TCERG1: variants seen among roughly 807,000 people sequenced by gnomAD.
The protein encoded by TCERG1 is transcription elongation regulator 1.
A neutral mutation model predicts 144.7 loss-of-function variants in TCERG1; 37 were observed. That is an observed-to-expected ratio of 0.26 (90% CI 0.20 to 0.34). The LOEUF (loss-of-function observed/expected upper bound fraction) is 0.34, where lower values mean the gene tolerates loss of function less well. Among genes scored for constraint, TCERG1 ranks in the 10% least tolerant of loss-of-function variants. TCERG1 has a pLI of 1.00. For synonymous variants in TCERG1, 492 were observed against 458.2 expected, an observed-to-expected ratio of 1.07 and a Z score of -0.94; for missense variants, 1,027 against 1,380.7, an observed-to-expected ratio of 0.74 and a Z score of 4.06.
At chr5:146,455,892 A>G (rs1281355090) in intron 2 of TCERG1, among the ~76,000 whole-genome samples, 1 of 152,242 alleles carries the variant, frequency 6.6e-6, no homozygotes, top group African/African-American at 2.4e-5. Flanking sequence ...CAGTGTATCC[A>G]GACTTACTGT....
intron 15 of TCERG1, among the ~76,000 whole-genome samples, chr5:146,487,768 A>G (rs1386830698): frequency 1.3e-5 from 2 of 152,036 alleles, no homozygotes; most frequent in Non-Finnish European, 2.9e-5. Flanking sequence ...TTTTTGTGAA[A>G]CCAAAAAAGA....
In TCERG1 at chr5:146,449,939, T is replaced by C. The variant is rs1581352227; in HGVS notation, c.59+2531T>C. On this transcript the variant is annotated intron_variant, in intron 1 of 22. Coordinates refer to ENST00000679501, the MANE Select transcript of TCERG1 (RefSeq NM_001382548.1). ...TGGTGTTATCACTGACTAGCTGCCT[T>C]AAGAAAATATTTTTCTGTGCTATCA... 2.2e-5 allele frequency among the ~76,000 whole-genome samples: 3 copies of C among 137,830 alleles called. No homozygotes were observed. In the South Asian group the frequency reaches 7.1e-4, roughly 33 times the overall value. 90.4% of individuals were successfully genotyped at this position (137,830 alleles called of 152,430 possible).
At chr5:146,470,196 C>G (rs905875363) in intron 7 of TCERG1, among the ~76,000 whole-genome samples, 2 of 152,064 alleles carry the variant, frequency 1.3e-5, no homozygotes, top group African/African-American at 4.8e-5. Context: ...TGAGACAGAG[C>G]CTCACTGTGT....
intron 19 of TCERG1, 82 bp downstream of exon 19, chr5:146,504,088 GTTC>G: frequency 8.0e-7 from 1 of 1,245,946 alleles, no homozygotes; most frequent in Non-Finnish European, 1.0e-6. Context: ...ATATTTTAAT[GTTC>G]TTTAATTCTG....
chr5:146,500,982 T>C (rs995114805), intron 17 of TCERG1, among the ~76,000 whole-genome samples: 1 of 145,186 alleles, frequency 6.9e-6, no homozygotes, highest in African/African-American at 2.6e-5. Context: ...CACTCCAGCC[T>C]GGACAACAGA....
intron 19 of TCERG1, among the ~76,000 whole-genome samples, chr5:146,505,114 ACATCT>A (rs897370404): frequency 6.6e-6 from 1 of 151,664 alleles, no homozygotes; most frequent in African/African-American, 2.4e-5. Flanking sequence ...AAGGACAAAA[ACATCT>A]CATAATGTTT....
At chr5:146,472,783 G>C (rs1329520043) in intron 9 of TCERG1, among the ~76,000 whole-genome samples, 1 of 151,616 alleles carries the variant, frequency 6.6e-6, no homozygotes, top group Admixed American at 6.6e-5. Context: ...GTGCGATCTT[G>C]GTTCACTGCA....
intron 13 of TCERG1, chr5:146,481,447 G>A (rs1765358364): frequency 6.6e-6 from 1 of 152,274 alleles, no homozygotes; most frequent in South Asian, 2.1e-4. Flanking sequence ...CATATCTTAG[G>A]TCACAGACTA....
intron 16 of TCERG1, among the ~76,000 whole-genome samples, chr5:146,497,865 C>T (rs1767075508): frequency 6.6e-6 from 1 of 152,114 alleles, no homozygotes; most frequent in African/African-American, 2.4e-5. Context: ...CCTGTAGTAG[C>T]TTGATATATA....
rs1767661503 is a variant in TCERG1 at position 146,503,421 on chromosome 5, G to T, written c.2480G>T (p.Ser827Ile). ...CTATTATCTAATCATCACTTGGACA[G>T]TCAGTCTCGATGGAGCAAAGTAAAA... ...FELLSNHHLD[S>I]QSRWSKVKDK... Residue 827 changes from serine (S) to isoleucine (I), a missense_variant, in exon 18 of 23, where the codon AGT becomes ATT. By Grantham distance (142) the Ser-to-Ile change is moderately radical. This residue lies in a region of TCERG1 where 482 missense variants were observed against 632.6 expected (regional missense o/e 0.76). Coordinates refer to ENST00000679501, the MANE Select transcript of TCERG1 (RefSeq NM_001382548.1). 1.2e-6 allele frequency: 2 copies of T among 1,613,566 alleles called. No individual in the cohort carries two copies. The highest frequency in any genetic ancestry group is 8.5e-7 in the Non-Finnish European group (1 of 1,179,840).
intron 19 of TCERG1, 128 bp from the exon 20 acceptor site, chr5:146,506,900 C>A: frequency 1.5e-6 from 1 of 659,132 alleles, no homozygotes; most frequent in Non-Finnish European, 2.4e-6. Flanking sequence ...ATCCATGTAT[C>A]TGTTGATAGA....
chr5:146,473,126 T>C (rs1764503859), intron 9 of TCERG1, among the ~76,000 whole-genome samples: 1 of 152,182 alleles, frequency 6.6e-6, no homozygotes, highest in African/African-American at 2.4e-5. Flanking sequence ...AGCCAAGTTG[T>C]GAATGCAAAA....
intron 7 of TCERG1, 105 bp from the exon 8 acceptor site, chr5:146,470,531 A>G: frequency 1.1e-6 from 1 of 888,150 alleles, no homozygotes; most frequent in Admixed American, 3.0e-5. Context: ...TTTTATCTTC[A>G]TGGTTAATAC....
At chr5:146,469,278 A>C (rs1190580000) in intron 6 of TCERG1, among the ~76,000 whole-genome samples, 1 of 152,176 alleles carries the variant, frequency 6.6e-6, no homozygotes, top group African/African-American at 2.4e-5. Context: ...TTATGTTAAG[A>C]CTTTGTCATA....
At chr5:146,453,758 C>T (rs141291781) in intron 1 of TCERG1, among the ~76,000 whole-genome samples, 2,742 of 148,004 alleles carry the variant, frequency 0.019, 85 homozygotes, top group African/African-American at 0.064. Flanking sequence ...GCCAACATGG[C>T]AAAACCCTGT....
chr5:146,498,972 A>C (rs1057273597), intron 17 of TCERG1, among the ~76,000 whole-genome samples: 16 of 152,236 alleles, frequency 1.1e-4, no homozygotes, highest in African/African-American at 3.9e-4. Context: ...CTGCCTGCTC[A>C]GTGGTGCCTT....
At chr5:146,454,333 A>G (rs1477577028) in intron 1 of TCERG1, among the ~76,000 whole-genome samples, 1 of 152,122 alleles carries the variant, frequency 6.6e-6, no homozygotes, top group African/African-American at 2.4e-5. Flanking sequence ...TCAGTCACAC[A>G]TTATCTATCT....
In TCERG1 at chr5:146,457,212, T is replaced by C; in HGVS notation, c.315T>C (p.Ser105=). The change falls in exon 3 of 23, where the codon AGT becomes AGC. Residue 105 remains serine, a synonymous_variant. Transcript: ENST00000679501. ...QRPPFMPPPM[S]SMPPPPGMMF... is the part of the protein sequence containing the mutation. ...CACCTTTCATGCCTCCTCCCATGAGTTCCATGCCTCCTCCTCCGGGTATGA... is the reference window on the plus strand; with the variant it reads ...CACCTTTCATGCCTCCTCCCATGAGCTCCATGCCTCCTCCTCCGGGTATGA... 6.2e-7 allele frequency: 1 copy of C among 1,614,126 alleles called. No individual in the cohort carries two copies. The highest frequency in any genetic ancestry group is 1.1e-5 in the South Asian group (1 of 91,080).
intron 5 of TCERG1, 44 bp downstream of exon 5, chr5:146,463,837 A>G (rs2150322669): frequency 6.2e-7 from 1 of 1,610,846 alleles, no homozygotes; most frequent in Non-Finnish European, 8.5e-7. Context: ...ATGTTTTCAT[A>G]TTGTCAGTTA....
Sources: allele counts gnomAD v4.1 joint callset (sites outside exome capture counted in the v4.1 genomes callset), GRCh38; gene constraint gnomAD v4.1.1; regional missense constraint gnomAD v4.1.1; transcripts MANE v1.5; gene names NCBI Gene and HGNC (gene_info 2026-07-23, HGNC 2026-07-21).